YLPM1: variants seen among roughly 807,000 people sequenced by gnomAD.
YLPM1 encodes YLP motif-containing protein 1.
Under a neutral mutation model 230.0 loss-of-function variants are expected in YLPM1, and 99 were observed. The observed-to-expected ratio is 0.43, with a 90% CI of 0.37 to 0.51. YLPM1 has a LOEUF of 0.51. Ranked by LOEUF, YLPM1 falls within the 20% of genes least tolerant of loss-of-function variation. The probability of loss-of-function intolerance (pLI) is 0.00; values close to 1 mark genes in which losing one functional copy is unlikely to be tolerated. For synonymous variants in YLPM1, 984 were observed against 942.5 expected (o/e 1.04, Z -0.81); for missense variants, 2,592 against 2,707.7 (o/e 0.96, Z 0.95).
chr14:74,817,326 A>G (rs749171557), intron 15 of YLPM1, 49 bp downstream of exon 15: 23 of 1,510,692 alleles, frequency 1.5e-5, no homozygotes, highest in Non-Finnish European at 1.9e-5. Context: ...GCGCTGCATA[A>G]TGATGTTTTG....
At position 74,781,644 on chromosome 14, in the gene YLPM1, C is replaced by T. The variant is rs1186948261; in HGVS notation, c.1601C>T (p.Pro534Leu). The change falls in exon 4 of 21, where the codon CCC (proline) becomes CTC (leucine). Residue 534 changes from proline (P) to leucine (L), a missense_variant. By Grantham distance (98) the Pro-to-Leu change is moderately conservative. Around this residue, in one of 4 missense-constraint regions of YLPM1, gnomAD observed 1,862 missense variants for 1,819.8 expected, o/e 1.02. Transcript: ENST00000325680. ...SQMPPPLPTMPPPVLPPSLPP... is the reference protein window; with the variant it reads ...SQMPPPLPTMLPPVLPPSLPP... ...ATGCCTCCACCTCTACCTACAATGC[C>T]CCCTCCAGTGTTGCCTCCTTCATTG... is the stretch of plus-strand genomic sequence containing the variant. 4 of 1,613,138 alleles carry T rather than the reference C, an allele frequency of 2.5e-6. No individual in the cohort carries two copies. The highest frequency in any genetic ancestry group is 3.4e-6 in the Non-Finnish European group (4 of 1,179,702).
chr14:74,764,632 T>C (rs1011908035), intron 1 of YLPM1, among the ~76,000 whole-genome samples: 3 of 152,254 alleles, frequency 2.0e-5, no homozygotes, highest in Non-Finnish European at 4.4e-5. Flanking sequence ...CCTTGGTTTC[T>C]TTGACCATCC....
chr14:74,778,727 T>C (rs1383482114), intron 2 of YLPM1, 44 bp downstream of exon 2: 1 of 1,482,516 alleles, frequency 6.7e-7, no homozygotes, highest in African/African-American at 1.4e-5. Flanking sequence ...ATTATTTAGC[T>C]TTTTTCTGAT....
chr14:74,807,986 T>C (rs1188796588), intron 6 of YLPM1, among the ~76,000 whole-genome samples: 1 of 152,258 alleles, frequency 6.6e-6, no homozygotes, highest in Admixed American at 6.5e-5. Flanking sequence ...AGGGTTTTTT[T>C]AAAATTTTGA....
intron 18 of YLPM1, among the ~76,000 whole-genome samples, chr14:74,826,455 G>C (rs2091563437): frequency 6.6e-6 from 1 of 152,094 alleles, no homozygotes; most frequent in African/African-American, 2.4e-5. Flanking sequence ...GATTATACTG[G>C]GTGGAAATGT....
At position 74,810,284 on chromosome 14, in the gene YLPM1, C is replaced by T. The variant is rs372135594; in HGVS notation, c.5092C>T (p.Arg1698Cys). ...AAGAGATCGTGAGCCTTATTTTGAT[C>T]GTCAAAGTAATGTCATAGCAGATCA... The part of the protein sequence containing the change: ...RERDREPYFD[R>C]QSNVIADHRD... The change falls in exon 9 of 21, where the codon CGT (arginine) becomes TGT (cysteine). Residue 1698 changes from arginine (R) to cysteine (C), a missense_variant. Physicochemically the swap from Arg to Cys is radical, Grantham distance 180 (BLOSUM62 -3). Around this residue, in one of 4 missense-constraint regions of YLPM1, gnomAD observed 403 missense variants for 426.7 expected, o/e 0.94. Transcript: ENST00000325680. 45 of 1,613,590 alleles carry T rather than the reference C, an allele frequency of 2.8e-5. No individual in the cohort carries two copies. The Admixed American group carries it at 3.2e-4, about 11-fold the overall frequency.
At chr14:74,782,939 G>GA (rs929445229) in intron 4 of YLPM1, among the ~76,000 whole-genome samples, 1 of 151,608 alleles carries the variant, frequency 6.6e-6, no homozygotes, top group African/African-American at 2.4e-5. Context: ...TATTTAGAAA[G>GA]AAAAAAAATT....
intron 6 of YLPM1, among the ~76,000 whole-genome samples, chr14:74,804,942 C>A (rs1302478703): frequency 1.3e-5 from 2 of 151,294 alleles, no homozygotes; most frequent in Admixed American, 6.6e-5. Flanking sequence ...TGTTTCTAAT[C>A]TTTCACTGTT....
intron 2 of YLPM1, among the ~76,000 whole-genome samples, 187 bp from the exon 3 acceptor site, chr14:74,780,217 TA>T (rs1394333953): frequency 1.3e-5 from 2 of 152,194 alleles, no homozygotes; most frequent in Non-Finnish European, 2.9e-5. Context: ...CATAATAGTA[TA>T]GATAGAGCTA....
intron 1 of YLPM1, among the ~76,000 whole-genome samples, chr14:74,770,282 C>T (rs923924103): frequency 1.9e-4 from 28 of 150,454 alleles, no homozygotes; most frequent in African/African-American, 6.4e-4. Context: ...CAGGAGTTCT[C>T]GTGCCACTGC....
intron 1 of YLPM1, among the ~76,000 whole-genome samples, chr14:74,766,402 T>A (rs2090911460): frequency 6.6e-6 from 1 of 152,202 alleles, no homozygotes; most frequent in African/African-American, 2.4e-5. Flanking sequence ...AAAGTATGAT[T>A]CCCCATACAT....
chr14:74,779,557 G>A (rs539610719), intron 2 of YLPM1, among the ~76,000 whole-genome samples: 18 of 151,990 alleles, frequency 1.2e-4, no homozygotes, highest in African/African-American at 4.3e-4. Flanking sequence ...AACCATGATG[G>A]TTATATTGTA....
At chr14:74,806,055 C>G (rs2091375483) in intron 6 of YLPM1, among the ~76,000 whole-genome samples, 1 of 151,018 alleles carries the variant, frequency 6.6e-6, no homozygotes, top group African/African-American at 2.4e-5. Context: ...CCAAACAGCT[C>G]TCTATAATAG....
At chr14:74,766,590 C>T (rs1399712376) in intron 1 of YLPM1, among the ~76,000 whole-genome samples, 1 of 151,410 alleles carries the variant, frequency 6.6e-6, no homozygotes, top group African/African-American at 2.4e-5. Flanking sequence ...AGGCTCAAGC[C>T]ATCCCAAGTA....
chr14:74,829,855 C>G (rs958790727), intron 19 of YLPM1, among the ~76,000 whole-genome samples: 3 of 152,130 alleles, frequency 2.0e-5, no homozygotes, highest in Non-Finnish European at 2.9e-5. Flanking sequence ...AATTTTTCTT[C>G]TAATTAAGTT....
intron 1 of YLPM1, among the ~76,000 whole-genome samples, chr14:74,769,852 C>CA (rs1566736139): frequency 1.9e-5 from 1 of 52,248 alleles, no homozygotes; most frequent in African/African-American, 1.1e-4. Context: ...AAGTGAGACA[C>CA]CCCCCCCCCC....
At chr14:74,821,368 C>A (rs2140138435) in intron 17 of YLPM1, 2 of 440,098 alleles carry the variant, frequency 4.5e-6, no homozygotes, top group East Asian at 4.2e-5. Flanking sequence ...AGAAACTTAC[C>A]CTTGTACTCA....
Position 74,797,819 on chromosome 14 carries a change from A to C in YLPM1, c.2522A>C (p.Lys841Thr), listed in dbSNP as rs753505727. ...RQSGPQWKGPKPAFGQQHQQQ... is the reference protein window; with the variant it reads ...RQSGPQWKGPTPAFGQQHQQQ... ...AGTGGACCACAGTGGAAAGGCCCCA[A>C]ACCAGCTTTTGGACAGCAGCATCAG... Residue 841 changes from lysine to threonine, a missense_variant, in exon 5 of 21, where the codon AAA (lysine) becomes ACA (threonine). Lys to Thr is a moderately conservative substitution (Grantham distance 78, BLOSUM62 -1). This residue lies in a region of YLPM1 where 1,862 missense variants were observed against 1,819.8 expected (regional missense o/e 1.02). Coordinates refer to ENST00000325680, the MANE Select transcript of YLPM1 (RefSeq NM_019589.3). The C allele has an allele frequency of 6.2e-7, 1 of 1,613,842 alleles. No homozygotes were observed. The highest frequency in any genetic ancestry group is 1.1e-5 in the South Asian group (1 of 91,084).
intron 18 of YLPM1, among the ~76,000 whole-genome samples, chr14:74,824,953 CTAT>C (rs1215657451): frequency 6.6e-6 from 1 of 152,054 alleles, no homozygotes; most frequent in East Asian, 1.9e-4. Context: ...TGGATTCCCT[CTAT>C]TATTTGTTGG....
Sources: gnomAD v4.1 joint callset for allele counts (sites outside exome capture counted in the v4.1 genomes callset) on GRCh38, gnomAD v4.1.1 for gene constraint, gnomAD v4.1.1 regional missense constraint, MANE v1.5 for transcripts, NCBI Gene and HGNC (gene_info 2026-07-23, HGNC 2026-07-21) for gene names.